GRIK1: variants seen among roughly 807,000 people sequenced by gnomAD.
GRIK1 encodes the protein glutamate ionotropic receptor kainate type subunit 1, also known as glutamate receptor ionotropic, kainate 1.
A neutral mutation model predicts 105.7 loss-of-function variants in GRIK1; 69 were observed. The observed-to-expected ratio is 0.65, with a 90% CI of 0.54 to 0.80. The LOEUF (loss-of-function observed/expected upper bound fraction) is 0.80. GRIK1 is among the 30% of genes least tolerant of loss of function. GRIK1 has a pLI of 0.00. For missense variants in GRIK1, 1,109 were observed against 1,167.3 expected (o/e 0.95, Z 0.73); for synonymous variants, 438 against 431.3 (o/e 1.02, Z -0.19).
chr21:29,786,286 C>G (rs2066260363), intron 1 of GRIK1, among the ~76,000 whole-genome samples: 1 of 152,194 alleles, frequency 6.6e-6, no homozygotes, highest in Non-Finnish European at 1.5e-5. Context: ...AGCGCCCAGC[C>G]TCAGTGTATC....
chr21:29,580,054 T>C (rs1354165853), intron 13 of GRIK1, among the ~76,000 whole-genome samples: 1 of 141,882 alleles, frequency 7.0e-6, no homozygotes, highest in Non-Finnish European at 1.5e-5. Flanking sequence ...TGTATATATG[T>C]ATATATATAT....
intron 1 of GRIK1, among the ~76,000 whole-genome samples, chr21:29,836,070 C>T (rs1238539220): frequency 6.6e-6 from 1 of 152,168 alleles, no homozygotes; most frequent in African/African-American, 2.4e-5. Context: ...AGGCTGCTGC[C>T]CACTGTTCTA....
intron 1 of GRIK1, among the ~76,000 whole-genome samples, chr21:29,926,050 C>A (rs2071359156): frequency 6.6e-6 from 1 of 151,308 alleles, no homozygotes; most frequent in Non-Finnish European, 1.5e-5. Context: ...GACATTCCTG[C>A]TCACTCAAGT....
chr21:29,779,967 A>T (rs2066049117), intron 1 of GRIK1, among the ~76,000 whole-genome samples: 1 of 152,214 alleles, frequency 6.6e-6, no homozygotes, highest in South Asian at 2.1e-4. Context: ...ATACTATGAA[A>T]TAATTAAATC....
intron 7 of GRIK1, among the ~76,000 whole-genome samples, chr21:29,608,224 G>A (rs1420380106): frequency 6.6e-6 from 1 of 152,002 alleles, no homozygotes; most frequent in Non-Finnish European, 1.5e-5. Context: ...TGTCTCTAGG[G>A]GGTTGTTTTA....
At chr21:29,864,775 G>T (rs2068750282) in intron 1 of GRIK1, among the ~76,000 whole-genome samples, 1 of 152,086 alleles carries the variant, frequency 6.6e-6, no homozygotes. Flanking sequence ...TCTTAAGTAT[G>T]TGGAACTAGA....
At chr21:29,791,160 A>G (rs1264393061) in intron 1 of GRIK1, among the ~76,000 whole-genome samples, 1 of 152,176 alleles carries the variant, frequency 6.6e-6, no homozygotes, top group Admixed American at 6.5e-5. Context: ...CTGGTCAAAG[A>G]GAAATGCTGG....
At chr21:29,591,067 C>T in intron 10 of GRIK1, 45 bp downstream of exon 10, 1 of 1,018,064 alleles carries the variant, frequency 9.8e-7, no homozygotes, top group Non-Finnish European at 1.6e-6. Context: ...AAGTCTAAGG[C>T]AGGAGCCTGG....
At chr21:29,587,672 A>T (rs1444649444) in intron 11 of GRIK1, 83 bp from the exon 12 acceptor site, 2 of 726,520 alleles carry the variant, frequency 2.8e-6, no homozygotes, top group South Asian at 1.8e-5. Flanking sequence ...CCTGATTCTT[A>T]TTCTCAACTC....
chr21:29,781,380 A>G (rs1383167530), intron 1 of GRIK1, among the ~76,000 whole-genome samples: 2 of 152,158 alleles, frequency 1.3e-5, no homozygotes, highest in East Asian at 3.9e-4. Context: ...AGTTAATTAT[A>G]TAACTTTCAT....
Position 29,689,871 on chromosome 21 carries a change from C to T in GRIK1, c.401G>A (p.Arg134His), listed in dbSNP as rs750056676. The T allele has an allele frequency of 7.6e-5, 123 of 1,613,704 alleles. No homozygotes were observed. The highest frequency in any genetic ancestry group is 9.6e-5 in the Non-Finnish European group (113 of 1,179,896). The change falls in exon 3 of 18, where the codon CGC (arginine) becomes CAC (histidine). Residue 134 changes from arginine (R) to histidine (H), a missense_variant. Arg to His is a conservative substitution (Grantham distance 29, BLOSUM62 0). This residue lies in a region of GRIK1 where 612 missense variants were observed against 586.0 expected (regional missense o/e 1.04). Coordinates refer to ENST00000327783, the MANE Select transcript of GRIK1 (RefSeq NM_001330994.2). ...GTTGTCCACCGAGGGGTGTTTCCAG[C>T]GGGTCTGTATGTGTGGAACTTCGAG... ...NALEVPHIQTRWKHPSVDNKD... is the reference protein window; with the variant it reads ...NALEVPHIQTHWKHPSVDNKD...
intron 7 of GRIK1, among the ~76,000 whole-genome samples, chr21:29,627,715 T>C (rs1290241862): frequency 6.6e-6 from 1 of 152,228 alleles, no homozygotes; most frequent in East Asian, 1.9e-4. Flanking sequence ...AATTCCCTAT[T>C]GGCCTGTGAA....
At chr21:29,628,424 A>G (rs2062183067) in intron 7 of GRIK1, among the ~76,000 whole-genome samples, 1 of 152,246 alleles carries the variant, frequency 6.6e-6, no homozygotes, top group South Asian at 2.1e-4. Context: ...GGATCACTGC[A>G]TAATTTAAAA....
chr21:29,598,801 T>TTTTATTTATTG (rs1427546128), intron 8 of GRIK1, 29 bp downstream of exon 8: 2 of 988,848 alleles, frequency 2.0e-6, no homozygotes, highest in Non-Finnish European at 3.1e-6. Flanking sequence ...TCATTTGTTA[T>TTTTATTTATTG]TTTATTTATT....
At chr21:29,802,569 T>C (rs1041235935) in intron 1 of GRIK1, among the ~76,000 whole-genome samples, 36 of 152,176 alleles carry the variant, frequency 2.4e-4, no homozygotes, top group African/African-American at 8.0e-4. Flanking sequence ...GTCCTCCAAA[T>C]TGATTCACTG....
chr21:29,703,353 A>G (rs1479580727), intron 1 of GRIK1, among the ~76,000 whole-genome samples: 1 of 152,194 alleles, frequency 6.6e-6, no homozygotes, highest in Non-Finnish European at 1.5e-5. Context: ...TGGAATAATA[A>G]CCATTCCAGA....
chr21:29,598,894 G>A lies in GRIK1; in HGVS notation c.1142C>T (p.Thr381Ile). 6.3e-7 allele frequency: 1 copy of A among 1,599,552 alleles called. No individual in the cohort carries two copies. Among genetic ancestry groups the A allele is most frequent in the Non-Finnish European group, 8.5e-7 (1 of 1,170,034 alleles). ...ATCAAAATCCTTCCTCAAGCCATTG[G>A]TTTTATTAAAGGTGATATGCCCAGT... Reference protein sequence around the residue: ...GLTGHITFNKTNGLRKDFDLD... With the variant: ...GLTGHITFNKINGLRKDFDLD... Residue 381 changes from threonine (T) to isoleucine (I), a missense_variant, in exon 8 of 18, where the codon ACC becomes ATC. Thr to Ile is a moderately conservative substitution (Grantham distance 89). Around this residue, in one of 5 missense-constraint regions of GRIK1, gnomAD observed 612 missense variants for 586.0 expected, o/e 1.04. Coordinates refer to ENST00000327783, the MANE Select transcript of GRIK1 (RefSeq NM_001330994.2).
At chr21:29,882,873 C>A (rs1469851482) in intron 1 of GRIK1, among the ~76,000 whole-genome samples, 4 of 152,074 alleles carry the variant, frequency 2.6e-5, no homozygotes, top group Non-Finnish European at 4.4e-5. Flanking sequence ...CTATACAGAG[C>A]TCTCTTTTCC....
intron 7 of GRIK1, among the ~76,000 whole-genome samples, chr21:29,621,411 T>G (rs57952320): frequency 0.22 from 32,976 of 151,570 alleles, 4,887 homozygotes; most frequent in African/African-American, 0.42. Flanking sequence ...TGTGTGTGTG[T>G]GGGGAAGACG....
Sources: allele counts gnomAD v4.1 joint callset (sites outside exome capture counted in the v4.1 genomes callset), GRCh38; gene constraint gnomAD v4.1.1; regional missense constraint gnomAD v4.1.1; transcripts MANE v1.5; gene names NCBI Gene and HGNC (gene_info 2026-07-23, HGNC 2026-07-21).